DLG2: variants seen among roughly 807,000 people sequenced by gnomAD.
The protein encoded by DLG2 is discs large MAGUK scaffold protein 2, also known as disks large homolog 2.
In DLG2, 45 loss-of-function variants were observed where a neutral mutation model predicts 132.5. The observed-to-expected ratio is 0.34, with a 90% CI of 0.27 to 0.44. The LOEUF is 0.44. Among genes scored for constraint, DLG2 ranks in the 20% least tolerant of loss-of-function variants. The probability of loss-of-function intolerance (pLI) is 1.00; values close to 1 mark genes in which losing one functional copy is unlikely to be tolerated. For missense variants in DLG2, 1,045 were observed against 1,196.9 expected (o/e 0.87, Z 1.87); for synonymous variants, 424 against 419.6 (o/e 1.01, Z -0.13).
chr11:83,956,966 T>C (rs1459259776), intron 14 of DLG2, among the ~76,000 whole-genome samples: 2 of 152,252 alleles, frequency 1.3e-5, no homozygotes, highest in Non-Finnish European at 2.9e-5. Flanking sequence ...GGATTACTAA[T>C]ATCTTCAGAA....
chr11:84,071,464 G>T (rs2096755735), intron 10 of DLG2, among the ~76,000 whole-genome samples: 1 of 151,952 alleles, frequency 6.6e-6, no homozygotes, highest in African/African-American at 2.4e-5. Context: ...GAAGTTCAGT[G>T]GCAGGATCAT....
rs1262129509 is a variant in DLG2, at chr11:83,980,568, T to G, written c.994A>C (p.Ile332Leu). 6.2e-7 allele frequency: 1 copy of G among 1,613,864 alleles called. No individual in the cohort carries two copies. Among genetic ancestry groups the G allele is most frequent in the South Asian group, 1.1e-5 (1 of 91,058 alleles). ...TTTTGTGCAGCTCCTCCATCTATAA[T>G]TTTAGTTACATAAATGCTGTTGTCT... ...PGDNSIYVTK[I>L]IDGGAAQKDG... is the part of the protein sequence containing the mutation. The change falls in exon 12 of 28, where the codon ATT becomes CTT. Residue 332 changes from isoleucine (I) to leucine (L), a missense_variant. Around this residue, in one of 4 missense-constraint regions of DLG2, gnomAD observed 261 missense variants for 256.1 expected, o/e 1.02. Coordinates refer to ENST00000376104, the MANE Select transcript of DLG2 (RefSeq NM_001142699.3).
intron 15 of DLG2, among the ~76,000 whole-genome samples, chr11:83,886,078 G>A (rs2067779869): frequency 6.6e-6 from 1 of 152,096 alleles, no homozygotes; most frequent in Non-Finnish European, 1.5e-5. Flanking sequence ...ATAATGACAG[G>A]ATCAAATTCA....
intron 6 of DLG2, among the ~76,000 whole-genome samples, chr11:84,883,237 C>G (rs1477533286): frequency 6.6e-6 from 1 of 151,970 alleles, no homozygotes; most frequent in African/African-American, 2.4e-5. Flanking sequence ...CATGTTATCA[C>G]TCATAAGTGG....
intron 11 of DLG2, among the ~76,000 whole-genome samples, chr11:84,041,953 C>T (rs2154107382): frequency 6.6e-6 from 1 of 152,008 alleles, no homozygotes; most frequent in African/African-American, 2.4e-5. Flanking sequence ...TACAAGCTCT[C>T]TTCTCTTGTG....
At chr11:83,570,845 A>C (rs985823368) in intron 19 of DLG2, among the ~76,000 whole-genome samples, 1 of 152,114 alleles carries the variant, frequency 6.6e-6, no homozygotes, top group Non-Finnish European at 1.5e-5. Flanking sequence ...GGGTATAGGG[A>C]TCTATGCTCA....
intron 7 of DLG2, among the ~76,000 whole-genome samples, chr11:84,439,831 T>C (rs958398339): frequency 6.6e-6 from 1 of 152,160 alleles, no homozygotes; most frequent in East Asian, 1.9e-4. Context: ...AAGTTAATGA[T>C]TAGAAAATTT....
At chr11:84,428,899 G>A (rs190657156) in intron 7 of DLG2, among the ~76,000 whole-genome samples, 1 of 152,294 alleles carries the variant, frequency 6.6e-6, no homozygotes, top group African/African-American at 2.4e-5. Flanking sequence ...ATTTTAGTTT[G>A]ATGTCATTGT....
chr11:84,471,503 C>T (rs1411611060), intron 7 of DLG2, among the ~76,000 whole-genome samples: 2 of 151,786 alleles, frequency 1.3e-5, no homozygotes, highest in Non-Finnish European at 2.9e-5. Context: ...TGAAATCTGA[C>T]AGCCTTTAGC....
chr11:84,142,100 G>A (rs1391652148), intron 9 of DLG2, among the ~76,000 whole-genome samples: 1 of 151,852 alleles, frequency 6.6e-6, no homozygotes, highest in Non-Finnish European at 1.5e-5. Flanking sequence ...TCAAGAGATC[G>A]AGACCATCCT....
At chr11:83,571,676 G>A (rs1302116128) in intron 19 of DLG2, among the ~76,000 whole-genome samples, 1 of 151,548 alleles carries the variant, frequency 6.6e-6, no homozygotes, top group African/African-American at 2.4e-5. Context: ...GTTATATATA[G>A]TGAGAAATAT....
At chr11:84,594,279 T>C (rs1565400933) in intron 6 of DLG2, among the ~76,000 whole-genome samples, 2 of 152,172 alleles carry the variant, frequency 1.3e-5, no homozygotes, top group South Asian at 4.1e-4. Flanking sequence ...GCCTCTCTTC[T>C]CCATTGATGA....
At chr11:84,637,784 C>A (rs189003930) in intron 6 of DLG2, among the ~76,000 whole-genome samples, 1 of 152,174 alleles carries the variant, frequency 6.6e-6, no homozygotes, top group Non-Finnish European at 1.5e-5. Context: ...TAGTGTGGAG[C>A]TTTTGGTTTA....
intron 3 of DLG2, among the ~76,000 whole-genome samples, chr11:85,390,044 C>T (rs532991604): frequency 3.3e-5 from 5 of 152,048 alleles, no homozygotes; most frequent in Non-Finnish European, 7.4e-5. Context: ...CTAAATGCTC[C>T]ACTTAAAAGA....
At chr11:84,908,089 G>A (rs2091715645) in intron 6 of DLG2, among the ~76,000 whole-genome samples, 1 of 151,920 alleles carries the variant, frequency 6.6e-6, no homozygotes, top group South Asian at 2.1e-4. Context: ...TCCATGGAAA[G>A]AACGAGTTAC....
At chr11:84,835,437 A>C (rs1165361403) in intron 6 of DLG2, among the ~76,000 whole-genome samples, 1 of 151,672 alleles carries the variant, frequency 6.6e-6, no homozygotes, top group African/African-American at 2.4e-5. Context: ...TATTTTCTTC[A>C]TAGGGCTATA....
intron 6 of DLG2, among the ~76,000 whole-genome samples, chr11:84,944,592 T>G (rs945455155): frequency 1.4e-5 from 2 of 144,758 alleles, no homozygotes; most frequent in African/African-American, 5.2e-5. Flanking sequence ...TTTAATTATT[T>G]CAGTCTCTGT....
At chr11:84,551,690 T>G (rs1450759953) in intron 6 of DLG2, among the ~76,000 whole-genome samples, 1 of 152,176 alleles carries the variant, frequency 6.6e-6, no homozygotes, top group Non-Finnish European at 1.5e-5. Flanking sequence ...CACCTTTAAT[T>G]CACACACTAT....
intron 4 of DLG2, among the ~76,000 whole-genome samples, chr11:85,167,061 G>C (rs1328707808): frequency 6.6e-6 from 1 of 152,020 alleles, no homozygotes; most frequent in Admixed American, 6.6e-5. Flanking sequence ...CTTTGGAAAT[G>C]AATGTCAGTA....
Sources: allele counts gnomAD v4.1 joint callset (sites outside exome capture counted in the v4.1 genomes callset), GRCh38; gene constraint gnomAD v4.1.1; regional missense constraint gnomAD v4.1.1; transcripts MANE v1.5; gene names NCBI Gene and HGNC (gene_info 2026-07-23, HGNC 2026-07-21).